The following SNAP91 variants were observed in gnomAD, a reference collection of about 807,000 sequenced individuals.
The protein encoded by SNAP91 is clathrin coat assembly protein AP180.
In SNAP91, 27 loss-of-function variants were observed where a neutral mutation model predicts 100.3. The observed-to-expected ratio is 0.27, with a 90% confidence interval of 0.20 to 0.37. SNAP91 has a LOEUF of 0.37. SNAP91 is among the 10% of genes least tolerant of loss of function. The pLI is 1.00. For synonymous variants in SNAP91, 404 were observed against 398.6 expected (o/e 1.01, Z -0.16); for missense variants, 986 against 1,123.7 (o/e 0.88, Z 1.75).
intron 26 of SNAP91, among the ~76,000 whole-genome samples, chr6:83,563,108 G>A (rs1790781025): frequency 6.6e-6 from 1 of 152,184 alleles, no homozygotes; most frequent in South Asian, 2.1e-4. Flanking sequence ...GTATAAACAA[G>A]CTTCCTGTGA....
chr6:83,587,555 C>G (rs1052561372), intron 22 of SNAP91, among the ~76,000 whole-genome samples: 2 of 152,022 alleles, frequency 1.3e-5, no homozygotes, highest in Non-Finnish European at 1.5e-5. Flanking sequence ...ATCCCTCCCC[C>G]AAATAAACAC....
chr6:83,596,894 C>T (rs1001537503), intron 16 of SNAP91, among the ~76,000 whole-genome samples: 1 of 152,068 alleles, frequency 6.6e-6, no homozygotes, highest in Non-Finnish European at 1.5e-5. Context: ...ATGCCTCATT[C>T]TATTATATTA....
intron 23 of SNAP91, among the ~76,000 whole-genome samples, chr6:83,581,285 A>G (rs994004996): frequency 2.0e-5 from 3 of 152,080 alleles, no homozygotes; most frequent in Admixed American, 6.6e-5. Context: ...AATAATTTTG[A>G]TTTTTTTCTC....
intron 7 of SNAP91, among the ~76,000 whole-genome samples, chr6:83,653,538 T>C (rs2098287745): frequency 6.6e-6 from 1 of 152,118 alleles, no homozygotes; most frequent in Non-Finnish European, 1.5e-5. Flanking sequence ...TTTTATCCAT[T>C]GGAGCCCTTA....
chr6:83,690,951 C>A (rs1259260168), intron 2 of SNAP91, among the ~76,000 whole-genome samples: 1 of 152,016 alleles, frequency 6.6e-6, no homozygotes, highest in African/African-American at 2.4e-5. Context: ...ATTTCTTATG[C>A]ATTTCAAGTC....
chr6:83,635,807 G>C (rs1314101770), intron 8 of SNAP91, among the ~76,000 whole-genome samples: 2 of 152,100 alleles, frequency 1.3e-5, no homozygotes, highest in African/African-American at 4.8e-5. Flanking sequence ...TGTGGTAGCA[G>C]GTTTCTTTTG....
intron 11 of SNAP91, 62 bp downstream of exon 11, chr6:83,614,795 G>C: frequency 8.2e-7 from 1 of 1,221,336 alleles, no homozygotes; most frequent in Non-Finnish European, 1.2e-6. Context: ...GGAATCTTAA[G>C]AGTGTTTTTT....
At position 83,661,553 on chromosome 6, in the gene SNAP91, T is replaced by C; in HGVS notation, c.401A>G (p.Lys134Arg). The C allele has an allele frequency of 6.2e-7, 1 of 1,611,340 alleles. No individual in the cohort carries two copies. Among genetic ancestry groups the C allele is most frequent in the Non-Finnish European group, 8.5e-7 (1 of 1,178,706 alleles). ...GGCCATCTGTCTGTAAGAAAAAGCCTTTTCATTCAAATATCTACTATAGCG... is the reference window on the plus strand; with the variant it reads ...GGCCATCTGTCTGTAAGAAAAAGCCCTTTCATTCAAATATCTACTATAGCG... Reference protein sequence around the residue: ...IRRYSRYLNEKAFSYRQMAFD... With the variant: ...IRRYSRYLNERAFSYRQMAFD... Residue 134 changes from lysine to arginine, a missense_variant, in exon 5 of 30, where the codon AAG becomes AGG. By Grantham distance (26) the Lys-to-Arg change is conservative (BLOSUM62 2). Transcript: ENST00000369694.
chr6:83,700,919 T>A (rs1262335860), intron 2 of SNAP91, among the ~76,000 whole-genome samples: 3 of 152,158 alleles, frequency 2.0e-5, no homozygotes, highest in Non-Finnish European at 4.4e-5. Context: ...TAAATAATTA[T>A]CACTCACTGG....
intron 9 of SNAP91, among the ~76,000 whole-genome samples, chr6:83,621,408 C>T (rs1056003324): frequency 1.3e-5 from 2 of 152,034 alleles, no homozygotes; most frequent in African/African-American, 2.4e-5. Flanking sequence ...GAATAGAGTG[C>T]TAATAGATTC....
intron 26 of SNAP91, among the ~76,000 whole-genome samples, chr6:83,574,010 C>A (rs1232950630): frequency 6.6e-6 from 1 of 152,172 alleles, no homozygotes; most frequent in African/African-American, 2.4e-5. Flanking sequence ...TCAGAGTGAA[C>A]AGGCAACCTA....
chr6:83,556,193 T>A lies in SNAP91; in HGVS notation c.2684A>T (p.Lys895Met). 6.3e-7 allele frequency: 1 copy of A among 1,576,610 alleles called. No individual in the cohort carries two copies. Among genetic ancestry groups the A allele is most frequent in the Non-Finnish European group, 8.6e-7 (1 of 1,160,870 alleles). Residue 895 changes from lysine (K) to methionine (M), a missense_variant, in exon 29 of 30, where the codon AAG becomes ATG. Transcript: ENST00000369694. ...GATGTTAAGATCCGCTAATGGGTCC[T>A]TTGCTGGAGGTTTCTTGGGACTCTG... Reference protein sequence around the residue: ...ASQSPKKPPAKDPLADLNIKD... With the variant: ...ASQSPKKPPAMDPLADLNIKD...
intron 26 of SNAP91, among the ~76,000 whole-genome samples, chr6:83,563,684 C>G (rs910366411): frequency 6.6e-6 from 1 of 152,078 alleles, no homozygotes; most frequent in African/African-American, 2.4e-5. Context: ...GACCAATATA[C>G]AAAACTCAGT....
At chr6:83,595,605 G>A (rs982536396) in intron 16 of SNAP91, among the ~76,000 whole-genome samples, 1 of 152,100 alleles carries the variant, frequency 6.6e-6, no homozygotes, top group African/African-American at 2.4e-5. Flanking sequence ...GGAGAGTGGA[G>A]ACCAGCACCC....
At chr6:83,679,670 C>T (rs1587141141) in intron 2 of SNAP91, among the ~76,000 whole-genome samples, 1 of 152,050 alleles carries the variant, frequency 6.6e-6, no homozygotes, top group Admixed American at 6.6e-5. Context: ...AGCTTGGGGT[C>T]GCGAGGAAAG....
rs1404740717 is a variant in SNAP91, at chr6:83,665,421, A to G, written c.273+18T>C. The G allele has an allele frequency of 6.2e-7, 1 of 1,603,418 alleles. No individual in the cohort carries two copies. The highest frequency in any genetic ancestry group is 8.5e-7 in the Non-Finnish European group (1 of 1,175,668). On this transcript the variant is annotated intron_variant, in intron 3 of 29. Transcript: ENST00000369694. ...GCCTCCTTCCTCCATCAAAAAAAGA[A>G]AAGTTTACTTAGTTTACCTCATTTC... is the stretch of plus-strand genomic sequence containing the variant.
intron 23 of SNAP91, among the ~76,000 whole-genome samples, chr6:83,581,459 C>CA (rs1197437815): frequency 1.8e-4 from 28 of 152,150 alleles, no homozygotes. Context: ...AAAATGCAGA[C>CA]ACATAGCATT....
intron 14 of SNAP91, among the ~76,000 whole-genome samples, chr6:83,604,051 A>G (rs1300564568): frequency 6.6e-6 from 1 of 152,118 alleles, no homozygotes; most frequent in Non-Finnish European, 1.5e-5. Context: ...TTTTCCTTTT[A>G]TTTGGCATTC....
intron 26 of SNAP91, among the ~76,000 whole-genome samples, chr6:83,566,375 A>T (rs557994515): frequency 3.2e-4 from 48 of 152,270 alleles, no homozygotes; most frequent in Admixed American, 1.4e-3. Context: ...CTCAATAAAA[A>T]TTTTTTCAAA....
Sources: allele counts gnomAD v4.1 joint callset (sites outside exome capture counted in the v4.1 genomes callset), GRCh38; gene constraint gnomAD v4.1.1; transcripts MANE v1.5; gene names NCBI Gene and HGNC (gene_info 2026-07-23, HGNC 2026-07-21).